The following POLD1 variants were observed in gnomAD, a reference collection of about 807,000 sequenced individuals.
The protein encoded by POLD1 is DNA polymerase delta catalytic subunit.
Under a neutral mutation model 129.7 loss-of-function variants are expected in POLD1, and 79 were observed. That is an observed-to-expected ratio of 0.61 (90% confidence interval 0.51 to 0.73). POLD1 has a LOEUF of 0.73. POLD1 is among the 30% of genes least tolerant of loss of function. The pLI, the probability that POLD1 is intolerant of heterozygous loss-of-function variation, is 0.00. For synonymous variants in POLD1, 714 were observed against 683.3 expected (o/e 1.04, Z -0.70); for missense variants, 1,338 against 1,595.8 (o/e 0.84, Z 2.75).
intron 3 of POLD1, among the ~76,000 whole-genome samples, chr19:50,400,131 AGATTTTTTTTTTTTT>A (rs1312685384): frequency 2.2e-5 from 2 of 89,910 alleles, no homozygotes; most frequent in African/African-American, 9.2e-5. Context: ...ACTTTTTAAA[AGATTTTTTTTTTTTT>A]TTTTTTTTTT....
Position 50,409,039 on chromosome 19 carries a change from C to A in POLD1, c.1893-83C>A. ...GGTGCTTGAGGGGCCTGCGTGTGCT[C>A]ATGGCCAAGGCCAGGACCGTAGGGC... On this transcript the variant is annotated intron_variant, in intron 15 of 26. Transcript: ENST00000440232. The surrounding 1 kb of genome is among the most constrained non-coding windows in gnomAD (Gnocchi z 5.8). 1 of 1,342,768 alleles carries A rather than the reference C, an allele frequency of 7.4e-7. No homozygotes were observed. The highest frequency in any genetic ancestry group is 1.1e-6 in the Non-Finnish European group (1 of 943,526). The allele number at this position is 1,342,768 out of a possible 1,614,324, so 83.2% of individuals were successfully genotyped here. A position where few individuals can be genotyped will look rare whatever the true frequency, so the allele number is the denominator to read the frequency against.
chr19:50,417,098 G>C lies in POLD1; in HGVS notation c.3120+1G>C, dbSNP rs1480477616. The stretch of plus-strand genomic sequence containing the variant: ...GGAGTCTGAGCTGTATCAGAAGGAG[G>C]TGAGAGGGCCGGGAGGTGAGGAGGG... On this transcript the variant is annotated splice_donor_variant, in intron 25 of 26. Transcript: ENST00000440232. LOFTEE classifies it high-confidence loss of function. 1 of 1,561,124 alleles carries C rather than the reference G, an allele frequency of 6.4e-7. No individual in the cohort carries two copies. The highest frequency in any genetic ancestry group is 8.7e-7 in the Non-Finnish European group (1 of 1,152,128).
rs141218086 is a variant in POLD1 at position 50,415,866 on chromosome 19, C to T, written c.2820+40C>T. 4.1e-4 allele frequency: 542 copies of T among 1,338,172 alleles called. 1 individual carries two copies. The African/African-American group carries it at 6.2e-3, about 15-fold the overall frequency. The allele number at this position is 1,338,172 out of a possible 1,614,324, so 82.9% of individuals were successfully genotyped here. ...GCTGCCTGCTCCCGCCCAGCCCCCT[C>T]GCTCTCACTTCTGCTTTCCGAGATG... is the stretch of plus-strand genomic sequence containing the variant. On this transcript the variant is annotated intron_variant, in intron 22 of 26. Transcript: ENST00000440232.
Position 50,417,906 on chromosome 19 carries a change from C to A in POLD1, c.3283C>A (p.Leu1095Ile). The change falls in exon 27 of 27, where the codon CTC becomes ATC. Residue 1095 changes from leucine (L) to isoleucine (I), a missense_variant. Physicochemically the swap from Leu to Ile is conservative, Grantham distance 5. Coordinates refer to ENST00000440232, the MANE Select transcript of POLD1 (RefSeq NM_002691.4). ...GAAGGACCTGGAAGACCAGGAGCAG[C>A]TCCTGCGGCGCTTCGGACCCCCTGG... The part of the protein sequence containing the change: ...VRKDLEDQEQ[L>I]LRRFGPPGPE... The A allele has an allele frequency of 6.2e-7, 1 of 1,611,824 alleles. No homozygotes were observed.
rs534131987 is a variant in POLD1, at chr19:50,402,798, G to A, written c.970+57G>A. The A allele has an allele frequency of 2.8e-5, 44 of 1,544,354 alleles. No individual in the cohort carries two copies. In the African/African-American group the frequency reaches 3.4e-4, roughly 12 times the overall value. On this transcript the variant is annotated intron_variant, in intron 8 of 26. Transcript: ENST00000440232. The stretch of plus-strand genomic sequence containing the variant: ...TCATTGATGTGCCAAGTCGGGGGTC[G>A]GAAAGGCAGGTCCGGTGGAGGGAAT...
chr19:50,401,986 C>G lies in POLD1; in HGVS notation c.464-13C>G. ...GGAGCCCCCTGCACCTCTGATCATC[C>G]CTCCCACACCAGGTTTCGGGCCCGA... On this transcript the variant is annotated splice_polypyrimidine_tract_variant and intron_variant, in intron 4 of 26. Coordinates refer to ENST00000440232, the MANE Select transcript of POLD1 (RefSeq NM_002691.4). 1 of 1,614,152 alleles carries G rather than the reference C, an allele frequency of 6.2e-7. No individual in the cohort carries two copies. Among genetic ancestry groups the G allele is most frequent in the African/African-American group, 1.3e-5 (1 of 75,048 alleles).
Position 50,416,417 on chromosome 19 carries a change from C to A in POLD1, c.2842C>A (p.His948Asn). ...GCAGGACCCGCTGTTCGTGCTGGAGCACAGCCTGCCCATTGACACGCAGTA... is the reference window on the plus strand; with the variant it reads ...GCAGGACCCGCTGTTCGTGCTGGAGAACAGCCTGCCCATTGACACGCAGTA... Reference protein sequence around the residue: ...KSEDPLFVLEHSLPIDTQYYL... With the variant: ...KSEDPLFVLENSLPIDTQYYL... Residue 948 changes from histidine (H) to asparagine (N), a missense_variant, in exon 23 of 27, where the codon CAC (histidine) becomes AAC (asparagine). Physicochemically the swap from His to Asn is moderately conservative, Grantham distance 68. Transcript: ENST00000440232. 1 of 1,549,622 alleles carries A rather than the reference C, an allele frequency of 6.5e-7. No individual in the cohort carries two copies. Among genetic ancestry groups the A allele is most frequent in the South Asian group, 1.2e-5 (1 of 84,042 alleles).
chr19:50,405,137 C>T (rs940113028), intron 10 of POLD1, among the ~76,000 whole-genome samples: 1 of 152,112 alleles, frequency 6.6e-6, no homozygotes, highest in Admixed American at 6.6e-5. Flanking sequence ...GGTCTCCATC[C>T]TCACCTCAGG....
intron 3 of POLD1, among the ~76,000 whole-genome samples, chr19:50,401,572 G>A (rs2038630525): frequency 6.6e-6 from 1 of 151,644 alleles, no homozygotes; most frequent in Admixed American, 6.6e-5. Flanking sequence ...AAAAAGAAGG[G>A]CCTCCCTGTA....
rs141069061 is a variant in POLD1 at position 50,389,172 on chromosome 19, G to T, written c.-2+4782G>T. Among the ~76,000 whole-genome samples, 3 of 149,758 alleles carry T rather than the reference G, an allele frequency of 2.0e-5. 1 individual carries two copies. In the East Asian group the frequency reaches 5.9e-4, roughly 30 times the overall value. On this transcript the variant is annotated intron_variant, in intron 1 of 26. Transcript: ENST00000440232. ...GTACAGTATTTTACTCTGTCATGCAGGTTGTAGTGCAGTGGGGTGGTCACA... is the reference window on the plus strand; with the variant it reads ...GTACAGTATTTTACTCTGTCATGCATGTTGTAGTGCAGTGGGGTGGTCACA...
In POLD1 at chr19:50,406,935, T is replaced by TC; in HGVS notation, c.1495-45dup. ...CCCCACTTCCTTCTCCTGCTCCACC[T>TC]CCCACCCCCAACCCCTGGTCCCTGA... On this transcript the variant is annotated intron_variant, in intron 12 of 26. Transcript: ENST00000440232. This position sits in a 1 kb window ranked among gnomAD's most constrained non-coding sequence, Gnocchi z 5.5. The TC allele has an allele frequency of 7.1e-6, 5 of 702,310 alleles. No individual in the cohort carries two copies. The highest frequency in any genetic ancestry group is 1.9e-5 in the South Asian group (1 of 53,924). 43.5% of individuals were successfully genotyped at this position (702,310 alleles called of 1,614,324 possible).
chr19:50,410,099 A>G (rs1257892059), intron 17 of POLD1, among the ~76,000 whole-genome samples: 2 of 152,186 alleles, frequency 1.3e-5, no homozygotes, highest in Non-Finnish European at 2.9e-5. Context: ...ACAGAGGCCA[A>G]GGGACGTGGG....
chr19:50,416,285 T>A (rs1169918411), intron 22 of POLD1, 111 bp from the exon 23 acceptor site: 21 of 1,162,892 alleles, frequency 1.8e-5, no homozygotes, highest in Non-Finnish European at 2.4e-5. Context: ...CCCCCCCATG[T>A]CACAGCCCGC....
chr19:50,401,981 T>C lies in POLD1; in HGVS notation c.464-18T>C, dbSNP rs2038655900. 1 of 1,613,996 alleles carries C rather than the reference T, an allele frequency of 6.2e-7. No individual in the cohort carries two copies. Among genetic ancestry groups the C allele is most frequent in the Non-Finnish European group, 8.5e-7 (1 of 1,179,958 alleles). ...CCACTGGAGCCCCCTGCACCTCTGA[T>C]CATCCCTCCCACACCAGGTTTCGGG... On this transcript the variant is annotated intron_variant, in intron 4 of 26. Transcript: ENST00000440232.
intron 1 of POLD1, among the ~76,000 whole-genome samples, chr19:50,397,965 C>T (rs1346812205): frequency 1.3e-5 from 2 of 152,120 alleles, no homozygotes; most frequent in African/African-American, 2.4e-5. Flanking sequence ...TTAGGCACTA[C>T]GTGCTAACAT....
chr19:50,400,133 A>ATTTTTTTTTTTTTTTT (rs71182715), intron 3 of POLD1, among the ~76,000 whole-genome samples: 6 of 48,154 alleles, frequency 1.2e-4, no homozygotes, highest in South Asian at 1.5e-3. Flanking sequence ...TTTTTAAAAG[A>ATTTTTTTTTTTTTTTT]TTTTTTTTTT....
At position 50,415,816 on chromosome 19, in the gene POLD1, T is replaced by TG; in HGVS notation, c.2811dup (p.Lys938GlufsTer16). On this transcript the variant is annotated frameshift_variant, in exon 22 of 27. Coordinates refer to ENST00000440232, the MANE Select transcript of POLD1 (RefSeq NM_002691.4). LOFTEE classifies it high-confidence loss of function. The stretch of plus-strand genomic sequence containing the variant: ...GCCGCCAAGGGTGTGGCCGCCTACA[T>TG]GAAGTCGGAGGTCAGGCCCACCTGG... 1 of 1,529,430 alleles carries TG rather than the reference T, an allele frequency of 6.5e-7. No homozygotes were observed. Among genetic ancestry groups the TG allele is most frequent in the Non-Finnish European group, 8.8e-7 (1 of 1,137,552 alleles). The allele number at this position is 1,529,430 out of a possible 1,614,324, so 94.7% of individuals were successfully genotyped here.
rs1482332019 is a variant in POLD1 at position 50,390,065 on chromosome 19, C to T, written c.-2+5675C>T. 1.9e-4 allele frequency among the ~76,000 whole-genome samples: 29 copies of T among 151,702 alleles called. No homozygotes were observed. In the East Asian group the frequency reaches 4.8e-3, roughly 25 times the overall value. On this transcript the variant is annotated intron_variant, in intron 1 of 26. Coordinates refer to ENST00000440232, the MANE Select transcript of POLD1 (RefSeq NM_002691.4). ...CTAGGATTACAGGCGCCTGGCACCA[C>T]GCCCAGCTAATTTTTATATTTTTAG...
chr19:50,399,107 C>T, intron 2 of POLD1, 54 bp downstream of exon 2: 2 of 1,550,096 alleles, frequency 1.3e-6, no homozygotes, highest in Non-Finnish European at 1.7e-6. Context: ...CCTGGTCTTG[C>T]CTTTGGTCCA....
Sources: gnomAD v4.1 joint callset for allele counts (sites outside exome capture counted in the v4.1 genomes callset) on GRCh38, gnomAD v4.1.1 for gene constraint, Gnocchi (gnomAD v3.1) non-coding constraint, MANE v1.5 for transcripts, NCBI Gene and HGNC (gene_info 2026-07-23, HGNC 2026-07-21) for gene names.